Variants in MXRA8 observed in about 807,000 individuals in gnomAD.
The protein encoded by MXRA8 is matrix remodeling-associated protein 8.
In MXRA8, 44 loss-of-function variants were observed where a neutral mutation model predicts 51.4. That is an observed-to-expected ratio of 0.86 (90% CI 0.67 to 1.10). MXRA8 has a LOEUF of 1.10. Among genes scored for constraint, MXRA8 ranks in the 50% least tolerant of loss-of-function variants. The pLI, the probability that MXRA8 is intolerant of heterozygous loss-of-function variation, is 0.00. For synonymous variants in MXRA8, 369 were observed against 293.5 expected, an observed-to-expected ratio of 1.26 and a Z score of -2.63; for missense variants, 765 against 638.9, an observed-to-expected ratio of 1.20 and a Z score of -2.13.
chr1:1,358,718 GGCCCAGCCCCTCA>G (rs1644181385), upstream of MXRA8: 1 of 1,378,278 alleles, frequency 7.3e-7, no homozygotes, highest in Admixed American at 3.4e-5. Context: ...TGGGAGCAGA[GGCCCAGCCCCTCA>G]CCGGTCAGGC....
chr1:1,356,756 C>G (rs373232585), intron 1 of MXRA8, 52 bp from the exon 2 acceptor site: 2 of 1,328,104 alleles, frequency 1.5e-6, no homozygotes, highest in African/African-American at 1.5e-5. Flanking sequence ...CACCCAGCCC[C>G]GAGACCCCCC....
In MXRA8 at chr1:1,355,147, C is replaced by T; in HGVS notation, c.484G>A (p.Ala162Thr). Reference sequence around the variant, plus strand: ...TCGCCGTCCCAGTAGGCGGGGGTGGCCGGGGCTGCGGAGGGGGCGCGGTCA... The same window carrying T: ...TCGCCGTCCCAGTAGGCGGGGGTGGTCGGGGCTGCGGAGGGGGCGCGGTCA... ...VRLEVTDGPPATPAYWDGEKE... is the reference protein window; with the variant it reads ...VRLEVTDGPPTTPAYWDGEKE... Residue 162 changes from alanine (A) to threonine (T), a missense_variant, in exon 5 of 10, where the codon GCC (alanine) becomes ACC (threonine). Physicochemically the swap from Ala to Thr is moderately conservative, Grantham distance 58 (BLOSUM62 0). Transcript: ENST00000309212. 2.1e-6 allele frequency: 3 copies of T among 1,414,230 alleles called. No homozygotes were observed. Among genetic ancestry groups the T allele is most frequent in the Non-Finnish European group, 2.7e-6 (3 of 1,096,274 alleles). The allele number at this position is 1,414,230 out of a possible 1,614,324, so 87.6% of individuals were successfully genotyped here. A position where few individuals can be genotyped will look rare whatever the true frequency, so the allele number is the denominator to read the frequency against.
rs1384879677 is a variant in MXRA8, at chr1:1,353,372, CA to C, written c.*231del. 1.4e-5 allele frequency: 21 copies of C among 1,545,092 alleles called. No homozygotes were observed. The highest frequency in any genetic ancestry group is 4.8e-5 in the South Asian group (4 of 83,710). Reference sequence around the variant, plus strand: ...GGCATCAGTGGGATTTTGGTTGTGCCAGGGGTGGGCAGGGCCACCCGTGAGC... The same window carrying C: ...GGCATCAGTGGGATTTTGGTTGTGCCGGGGTGGGCAGGGCCACCCGTGAGC... On this transcript the variant is annotated 3_prime_UTR_variant, in exon 10 of 10. Transcript: ENST00000309212.
At chr1:1,362,057 A>G (rs367773574), upstream of MXRA8, among the ~76,000 whole-genome samples, 4 of 152,212 alleles carry the variant, frequency 2.6e-5, no homozygotes, top group South Asian at 8.3e-4. Context: ...GTTCCCGGCC[A>G]TGTCCCTGGC....
chr1:1,358,880 C>T (rs1018912170), upstream of MXRA8: 5 of 1,023,254 alleles, frequency 4.9e-6, no homozygotes, highest in East Asian at 8.9e-5. Flanking sequence ...GGTGAGTGGC[C>T]CCTCCGCCCC....
upstream of MXRA8, chr1:1,359,195 G>T (rs564733219): frequency 2.0e-6 from 2 of 985,408 alleles, no homozygotes; most frequent in Admixed American, 1.2e-4. Context: ...GGGAGGCCTG[G>T]GGGTGCTGGG....
intron 5 of MXRA8, 78 bp from the exon 6 acceptor site, chr1:1,354,587 G>A (rs1313163081): frequency 1.3e-6 from 2 of 1,560,528 alleles, no homozygotes; most frequent in Admixed American, 1.9e-5. Context: ...GCCCCCGCTG[G>A]GATCCGCGGG....
At chr1:1,359,682 G>A (rs955095999), upstream of MXRA8, 13 of 648,484 alleles carry the variant, frequency 2.0e-5, no homozygotes, top group South Asian at 3.4e-4. Flanking sequence ...TGAGAGGAAC[G>A]GGCAGGACAC....
In MXRA8 at chr1:1,355,036, CCACGTGCCGGTCGGTCCA is replaced by C; in HGVS notation, c.577_594del (p.Trp193_Val198del). 2.5e-6 allele frequency: 4 copies of C among 1,608,114 alleles called. No individual in the cohort carries two copies. Among genetic ancestry groups the C allele is most frequent in the Non-Finnish European group, 3.4e-6 (4 of 1,178,400 alleles). ...CAGTGCACCACCTGTTGAGCCTCCT[CCACGTGCCGGTCGGTCCA>C]CACGTGCCCGCGGTTCACGCAGGTC... is the stretch of plus-strand genomic sequence containing the variant. On this transcript the variant is annotated inframe_deletion, in exon 5 of 10. Transcript: ENST00000309212.
chr1:1,360,465 C>T (rs1480625669), upstream of MXRA8, among the ~76,000 whole-genome samples: 1 of 139,952 alleles, frequency 7.1e-6, no homozygotes, highest in African/African-American at 2.6e-5. Context: ...CTCTTCTGCA[C>T]CTTCCTGGGC....
Position 1,354,939 on chromosome 1 carries a change from C to T in MXRA8, c.692G>A (p.Arg231His), listed in dbSNP as rs1232635317. The change falls in exon 5 of 10, where the codon CGC becomes CAC. Residue 231 changes from arginine to histidine, a missense_variant. Arg to His is a conservative substitution (Grantham distance 29). Transcript: ENST00000309212. ...CAGAAAAAGGGGCCCGTAGGCGCGG[C>T]GCTCGCCCGACGCGTAGAGGTCCAG... is the stretch of plus-strand genomic sequence containing the variant. ...RLLDLYASGE[R>H]RAYGPLFLRD... 1 of 1,602,506 alleles carries T rather than the reference C, an allele frequency of 6.2e-7. No individual in the cohort carries two copies. The highest frequency in any genetic ancestry group is 2.3e-5 in the East Asian group (1 of 44,440).
Position 1,354,177 on chromosome 1 carries a change from G to T in MXRA8, c.1145+16C>A. The T allele has an allele frequency of 6.2e-7, 1 of 1,612,744 alleles. No homozygotes were observed. Among genetic ancestry groups the T allele is most frequent in the African/African-American group, 1.3e-5 (1 of 75,068 alleles). Reference sequence around the variant, plus strand: ...GGGGCCCTGGTCCCCAGGAGGGCCGGGAGGGGGGCACTCACCCCTTTGACT... The same window carrying T: ...GGGGCCCTGGTCCCCAGGAGGGCCGTGAGGGGGGCACTCACCCCTTTGACT... On this transcript the variant is annotated intron_variant, in intron 7 of 9. Transcript: ENST00000309212.
upstream of MXRA8, chr1:1,359,326 C>T: frequency 1.0e-6 from 1 of 985,420 alleles, no homozygotes; most frequent in Non-Finnish European, 1.2e-6. Context: ...GAGAGTGGGA[C>T]CCCTGCCATG....
chr1:1,356,099 G>T (rs1644123734), intron 2 of MXRA8, among the ~76,000 whole-genome samples: 1 of 102,128 alleles, frequency 9.8e-6, no homozygotes, highest in African/African-American at 4.0e-5. Flanking sequence ...GGGCATCTTT[G>T]GGGGGGTGTG....
At chr1:1,353,650 C>G (rs757467726) in intron 9 of MXRA8, 21 bp from the exon 10 acceptor site, 12 of 1,561,402 alleles carry the variant, frequency 7.7e-6, no homozygotes, top group African/African-American at 6.8e-5. Flanking sequence ...AGGGCGCCAA[C>G]GGGTTGGCGG....
In MXRA8 at chr1:1,354,066, C is replaced by A. The variant is rs150058708; in HGVS notation, c.1186G>T (p.Asp396Tyr). ...TCCTCACTCCTGTAAAGCATCTGGTCCCCTGCAGCCACAGCGAACTCCGCC... is the reference window on the plus strand; with the variant it reads ...TCCTCACTCCTGTAAAGCATCTGGTACCCTGCAGCCACAGCGAACTCCGCC... ...NLAEFAVAAG[D>Y]QMLYRSEDIQ... is the part of the protein sequence containing the mutation. The change falls in exon 8 of 10, where the codon GAC becomes TAC. Residue 396 changes from aspartate (D) to tyrosine (Y), a missense_variant. Physicochemically the swap from Asp to Tyr is radical, Grantham distance 160. Coordinates refer to ENST00000309212, the MANE Select transcript of MXRA8 (RefSeq NM_032348.4). The A allele has an allele frequency of 1.2e-6, 2 of 1,612,850 alleles. No individual in the cohort carries two copies. The highest frequency in any genetic ancestry group is 1.3e-5 in the African/African-American group (1 of 74,932).
At chr1:1,360,608 T>C (rs1286398087), upstream of MXRA8, among the ~76,000 whole-genome samples, 1 of 152,170 alleles carries the variant, frequency 6.6e-6, no homozygotes, top group Non-Finnish European at 1.5e-5. Flanking sequence ...CTGGCATCAC[T>C]GTGCTCTGGC....
At chr1:1,359,830 C>T (rs1031517275), upstream of MXRA8, among the ~76,000 whole-genome samples, 3 of 152,230 alleles carry the variant, frequency 2.0e-5, no homozygotes, top group African/African-American at 7.2e-5. Context: ...CACTCCCTCC[C>T]TGGGCCTTTC....
rs1299144256 is a variant in MXRA8, at chr1:1,355,481, G to T, written c.345C>A (p.Phe115Leu). The T allele has an allele frequency of 2.6e-6, 4 of 1,509,636 alleles. No individual in the cohort carries two copies. Among genetic ancestry groups the T allele is most frequent in the Admixed American group, 4.4e-5 (2 of 45,888 alleles). 93.5% of individuals were successfully genotyped at this position (1,509,636 alleles called of 1,614,324 possible). A position where few individuals can be genotyped will look rare whatever the true frequency, so the allele number is the denominator to read the frequency against. Residue 115 changes from phenylalanine to leucine, a missense_variant, in exon 3 of 10, where the codon TTC becomes TTA. Coordinates refer to ENST00000309212, the MANE Select transcript of MXRA8 (RefSeq NM_032348.4). The part of the protein sequence containing the change: ...RGRLELSASA[F>L]DDGNFSLLIR... Reference sequence around the variant, plus strand: ...TGAGCAGCGAGAAGTTGCCGTCGTCGAAGGCCGAGGCCGAGAGCTCCAGGC... The same window carrying T: ...TGAGCAGCGAGAAGTTGCCGTCGTCTAAGGCCGAGGCCGAGAGCTCCAGGC...
Sources: gnomAD v4.1 joint callset for allele counts (sites outside exome capture counted in the v4.1 genomes callset) on GRCh38, gnomAD v4.1.1 for gene constraint, MANE v1.5 for transcripts, NCBI Gene and HGNC (gene_info 2026-07-23, HGNC 2026-07-21) for gene names.